UBE3D: variants seen among roughly 807,000 people sequenced by gnomAD.
The protein encoded by UBE3D is ubiquitin protein ligase E3D.
In UBE3D, 48 loss-of-function variants were observed where a neutral mutation model predicts 49.6. The observed-to-expected ratio is 0.97, with a 90% CI of 0.77 to 1.23. The LOEUF (loss-of-function observed/expected upper bound fraction) is 1.23. UBE3D is among the 50% of genes most tolerant of loss of function. The probability of loss-of-function intolerance (pLI) is 0.00; values close to 1 mark genes in which losing one functional copy is unlikely to be tolerated. For synonymous variants in UBE3D, 189 were observed against 174.2 expected (o/e 1.08, Z -0.67); for missense variants, 452 against 468.4 (o/e 0.96, Z 0.32).
chr6:83,024,115 G>A, intron 5 of UBE3D, 77 bp from the exon 6 acceptor site: 2 of 710,298 alleles, frequency 2.8e-6, no homozygotes, highest in Non-Finnish European at 4.5e-6. Flanking sequence ...CTCCAAATTA[G>A]GATATTCCAA....
intron 9 of UBE3D, among the ~76,000 whole-genome samples, chr6:82,895,389 A>G (rs2127712124): frequency 6.6e-6 from 1 of 152,270 alleles, no homozygotes; most frequent in East Asian, 1.9e-4. Context: ...GATTTTGTGT[A>G]CTGACGGGCG....
chr6:83,043,778 C>T (rs889361253), intron 4 of UBE3D, among the ~76,000 whole-genome samples: 2 of 152,180 alleles, frequency 1.3e-5, no homozygotes, highest in African/African-American at 4.8e-5. Context: ...AATGCTTTCT[C>T]ACATGGGCCA....
At chr6:82,881,682 T>G in the UBE3D span, among the ~76,000 whole-genome samples, 1 of 152,138 alleles carries the variant, frequency 6.6e-6, no homozygotes, top group Non-Finnish European at 1.5e-5. Context: ...AAGGCCCTCT[T>G]CTCTTTCTCT....
intron 9 of UBE3D, among the ~76,000 whole-genome samples, chr6:82,942,676 A>AAG (rs1392230642): frequency 6.6e-6 from 1 of 152,232 alleles, no homozygotes; most frequent in Non-Finnish European, 1.5e-5. Context: ...TACATGTGGT[A>AAG]TTGGCCCTGT....
intron 9 of UBE3D, among the ~76,000 whole-genome samples, chr6:82,929,674 G>T (rs140877012): frequency 6.6e-6 from 1 of 151,780 alleles, no homozygotes; most frequent in African/African-American, 2.4e-5. Context: ...TCATCCAATT[G>T]CTAAAAAGCC....
rs149532828 is a variant in UBE3D, at chr6:82,990,765, G to A, written c.1010+28208C>T. ...AACATATGGATTCAGTAATGTGACC[G>A]TACTCTCCCTCTTTCCCCTCCAGCC... On this transcript the variant is annotated intron_variant, in intron 8 of 9. Coordinates refer to ENST00000369747, the MANE Select transcript of UBE3D (RefSeq NM_198920.3). Among the ~76,000 whole-genome samples, 110 of 152,096 alleles carry A rather than the reference G, an allele frequency of 7.2e-4. 2 individuals are homozygous for A. In the East Asian group the frequency reaches 0.016, roughly 22 times the overall value.
At chr6:83,013,721 C>T (rs1780506794) in intron 8 of UBE3D, among the ~76,000 whole-genome samples, 1 of 152,232 alleles carries the variant, frequency 6.6e-6, no homozygotes, top group African/African-American at 2.4e-5. Flanking sequence ...CACTGGACCC[C>T]TGGAAATTTT....
chr6:82,952,079 A>G (rs560581401), intron 9 of UBE3D, among the ~76,000 whole-genome samples: 1 of 152,336 alleles, frequency 6.6e-6, no homozygotes, highest in Non-Finnish European at 1.5e-5. Flanking sequence ...CTACCCCTTA[A>G]GCACATGCAA....
At chr6:82,890,031 C>G (rs1439186586), downstream of UBE3D, among the ~76,000 whole-genome samples, 5 of 152,024 alleles carry the variant, frequency 3.3e-5, no homozygotes, top group East Asian at 9.7e-4. Flanking sequence ...GTAACCAATG[C>G]ATGTCTGCAT....
intron 8 of UBE3D, among the ~76,000 whole-genome samples, chr6:82,968,808 A>G (rs1188783365): frequency 6.6e-6 from 1 of 152,104 alleles, no homozygotes; most frequent in Non-Finnish European, 1.5e-5. Context: ...TTCTTTTCAT[A>G]TATTTGTTGG....
chr6:82,952,311 G>C (rs1775860783), intron 9 of UBE3D, among the ~76,000 whole-genome samples: 1 of 151,982 alleles, frequency 6.6e-6, no homozygotes, highest in Non-Finnish European at 1.5e-5. Context: ...CCTTATGGAG[G>C]TATCATGAAA....
At chr6:83,009,422 C>T (rs549497045) in intron 8 of UBE3D, among the ~76,000 whole-genome samples, 2 of 151,644 alleles carry the variant, frequency 1.3e-5, no homozygotes, top group Admixed American at 1.3e-4. Context: ...ACAGAGATGG[C>T]CCTGGTTCAC....
intron 9 of UBE3D, among the ~76,000 whole-genome samples, chr6:82,907,538 A>G (rs1486574646): frequency 1.3e-5 from 2 of 152,174 alleles, no homozygotes; most frequent in South Asian, 4.1e-4. Context: ...GACTCCTACA[A>G]TCAATGATAA....
intron 9 of UBE3D, among the ~76,000 whole-genome samples, chr6:82,900,364 C>A (rs1259041596): frequency 6.6e-6 from 1 of 152,078 alleles, no homozygotes; most frequent in African/African-American, 2.4e-5. Context: ...AGAAGCATGG[C>A]TGGTGAAGAA....
chr6:83,065,778 G>C lies in UBE3D; in HGVS notation c.-60C>G. 1 of 1,523,094 alleles carries C rather than the reference G, an allele frequency of 6.6e-7. No individual in the cohort carries two copies. The highest frequency in any genetic ancestry group is 8.9e-7 in the Non-Finnish European group (1 of 1,118,114). 94.3% of individuals were successfully genotyped at this position (1,523,094 alleles called of 1,614,324 possible). On this transcript the variant is annotated 5_prime_UTR_variant, in exon 1 of 10. Transcript: ENST00000369747. Reference sequence around the variant, plus strand: ...AGGTTCCGAGGGGCCCGGGTCAACAGGACCAGGAGAGGTTCCACGTGCGGA... The same window carrying C: ...AGGTTCCGAGGGGCCCGGGTCAACACGACCAGGAGAGGTTCCACGTGCGGA...
intron 8 of UBE3D, among the ~76,000 whole-genome samples, chr6:82,990,460 T>A (rs1335607006): frequency 1.3e-5 from 2 of 151,846 alleles, no homozygotes; most frequent in African/African-American, 4.8e-5. Context: ...GTATTTTTAG[T>A]AGAGACACGG....
chr6:82,977,788 A>G (rs1263855815), intron 8 of UBE3D, among the ~76,000 whole-genome samples: 4 of 152,122 alleles, frequency 2.6e-5, no homozygotes, highest in Non-Finnish European at 5.9e-5. Context: ...CAGTGAACTG[A>G]GATTATGCCA....
chr6:83,003,090 A>C (rs947812988), intron 8 of UBE3D, among the ~76,000 whole-genome samples: 2 of 152,196 alleles, frequency 1.3e-5, no homozygotes, highest in African/African-American at 2.4e-5. Context: ...GAGGTAATAA[A>C]AAAGAGAAAA....
chr6:82,944,506 T>TG (rs1439026300), intron 9 of UBE3D, among the ~76,000 whole-genome samples: 1 of 152,204 alleles, frequency 6.6e-6, no homozygotes, highest in Non-Finnish European at 1.5e-5. Flanking sequence ...TGAGAGTTGC[T>TG]GACTTCAGCT....
Sources: allele counts gnomAD v4.1 joint callset (sites outside exome capture counted in the v4.1 genomes callset), GRCh38; gene constraint gnomAD v4.1.1; transcripts MANE v1.5; gene names NCBI Gene and HGNC (gene_info 2026-07-23, HGNC 2026-07-21).